The following DPP6 variants were observed in gnomAD, a reference collection of about 807,000 sequenced individuals.
DPP6 encodes dipeptidyl peptidase like 6.
Under a neutral mutation model 122.6 loss-of-function variants are expected in DPP6, and 69 were observed. The ratio of observed to expected loss-of-function variants is 0.56; its 90% CI spans 0.46 to 0.69. DPP6 has a LOEUF of 0.69. Among genes scored for constraint, DPP6 ranks in the 30% least tolerant of loss-of-function variants. DPP6 has a pLI of 0.00. For missense variants in DPP6, 928 were observed against 1,116.9 expected, an observed-to-expected ratio of 0.83 and a Z score of 2.41; for synonymous variants, 418 against 433.1, an observed-to-expected ratio of 0.97 and a Z score of 0.43.
chr7:154,120,965 A>T lies in DPP6; in HGVS notation c.243+67902A>T, dbSNP rs375626268. On this transcript the variant is annotated intron_variant, in intron 1 of 25. Transcript: ENST00000377770. ...TCAAGGGCGGGACCAGGTGGAGACA[A>T]TTGAATCCTGGGGCTGGTTTCCCCC... 8.2e-4 allele frequency among the ~76,000 whole-genome samples: 125 copies of T among 152,270 alleles called. 3 individuals carry two copies. In the South Asian group the frequency reaches 0.025, roughly 30 times the overall value.
At chr7:154,209,067 A>G (rs769489965) in intron 1 of DPP6, among the ~76,000 whole-genome samples, 9 of 152,202 alleles carry the variant, frequency 5.9e-5, no homozygotes, top group Non-Finnish European at 1.0e-4. Flanking sequence ...TCCAGTGGAA[A>G]CTTAAAGAAA....
intron 1 of DPP6, among the ~76,000 whole-genome samples, chr7:154,323,822 A>G (rs1280563546): frequency 6.6e-6 from 1 of 152,110 alleles, no homozygotes; most frequent in Non-Finnish European, 1.5e-5. Flanking sequence ...TGAGTTTGTA[A>G]TATTTTGATC....
At chr7:154,421,169 G>A (rs997615529) in intron 1 of DPP6, among the ~76,000 whole-genome samples, 11 of 150,032 alleles carry the variant, frequency 7.3e-5, no homozygotes, top group African/African-American at 2.7e-4. Flanking sequence ...CTAATTTTCA[G>A]CATCATTACA....
intron 1 of DPP6, among the ~76,000 whole-genome samples, chr7:153,984,662 G>A (rs893317488): frequency 6.6e-6 from 1 of 152,116 alleles, no homozygotes; most frequent in Non-Finnish European, 1.5e-5. Context: ...ACAGTACAGT[G>A]TACTGATACC....
chr7:154,800,284 T>C (rs1798282274), intron 12 of DPP6, among the ~76,000 whole-genome samples: 1 of 152,258 alleles, frequency 6.6e-6, no homozygotes, highest in Non-Finnish European at 1.5e-5. Flanking sequence ...TTTATTTCTC[T>C]GGGCATATCA....
intron 5 of DPP6, chr7:154,587,938 A>G: frequency 1.9e-6 from 3 of 1,612,950 alleles, no homozygotes; most frequent in Non-Finnish European, 2.5e-6. Flanking sequence ...CAATGGCACC[A>G]GGCTTCGCAG....
intron 5 of DPP6, among the ~76,000 whole-genome samples, chr7:154,592,758 G>A (rs1234883425): frequency 2.0e-5 from 3 of 152,174 alleles, no homozygotes; most frequent in African/African-American, 7.2e-5. Context: ...TGTCCAGGAT[G>A]AGCAAACGGA....
intron 1 of DPP6, among the ~76,000 whole-genome samples, chr7:153,918,165 C>T (rs1425383209): frequency 2.0e-5 from 3 of 152,040 alleles, no homozygotes; most frequent in Non-Finnish European, 4.4e-5. Flanking sequence ...TGGAAATAAC[C>T]GAGTCATAAA....
chr7:154,343,811 C>T (rs1810144267), intron 1 of DPP6, among the ~76,000 whole-genome samples: 1 of 151,440 alleles, frequency 6.6e-6, no homozygotes, highest in South Asian at 2.1e-4. Context: ...GAAATCCTGA[C>T]CTCAAGTGAT....
At chr7:154,846,160 ATTTT>A (rs1397976922) in intron 16 of DPP6, among the ~76,000 whole-genome samples, 1 of 151,156 alleles carries the variant, frequency 6.6e-6, no homozygotes, top group African/African-American at 2.4e-5. Context: ...TTTTTAATTT[ATTTT>A]TTATTGAGGT....
intron 1 of DPP6, among the ~76,000 whole-genome samples, chr7:154,250,682 GTGGC>G (rs1413230481): frequency 6.6e-6 from 1 of 152,130 alleles, no homozygotes; most frequent in African/African-American, 2.4e-5. Context: ...TTCTTCCCTG[GTGGC>G]TTATACCTGG....
At chr7:154,042,603 T>C (rs1799820087) in intron 1 of DPP6, among the ~76,000 whole-genome samples, 1 of 152,120 alleles carries the variant, frequency 6.6e-6, no homozygotes, top group African/African-American at 2.4e-5. Flanking sequence ...ATATGACCAA[T>C]ACGATGAAGG....
the DPP6 span, among the ~76,000 whole-genome samples, chr7:153,815,061 G>C: frequency 2.0e-5 from 3 of 152,082 alleles, no homozygotes; most frequent in African/African-American, 7.2e-5. Context: ...GACAGGGATG[G>C]CCTCTCTCAC....
chr7:154,451,987 G>A (rs913322225), intron 2 of DPP6, among the ~76,000 whole-genome samples: 49 of 152,198 alleles, frequency 3.2e-4, no homozygotes, highest in African/African-American at 1.2e-3. Context: ...TTGTGTTTTG[G>A]CATAAAATTC....
chr7:153,943,918 C>T (rs1407126273), intron 1 of DPP6, among the ~76,000 whole-genome samples: 2 of 152,264 alleles, frequency 1.3e-5, no homozygotes, highest in East Asian at 3.9e-4. Context: ...GATCCAGCCC[C>T]GGCCTGAAAC....
At chr7:154,839,927 T>A (rs797001975) in intron 16 of DPP6, among the ~76,000 whole-genome samples, 3 of 152,084 alleles carry the variant, frequency 2.0e-5, no homozygotes, top group African/African-American at 7.2e-5. Context: ...TTGTAAACCC[T>A]CGGGCAGGAG....
intron 1 of DPP6, among the ~76,000 whole-genome samples, chr7:153,900,775 A>T (rs1360759332): frequency 6.6e-6 from 1 of 152,156 alleles, no homozygotes; most frequent in African/African-American, 2.4e-5. Flanking sequence ...CAAAAGCTGA[A>T]AGTGCCATGT....
chr7:154,811,806 G>A (rs1481191989), intron 16 of DPP6, among the ~76,000 whole-genome samples: 2 of 152,166 alleles, frequency 1.3e-5, no homozygotes, highest in African/African-American at 4.8e-5. Flanking sequence ...TATTCTGAGA[G>A]ATTCTTGGAA....
rs902050032 is a variant in DPP6, at chr7:154,241,177, A to G, written c.243+188114A>G. ...ATATTGCTGCACAGTAGGTAATTCA[A>G]TATCAATATGTGTGTGTGTGTGTGT... On this transcript the variant is annotated intron_variant, in intron 1 of 25. Coordinates refer to ENST00000377770, the MANE Select transcript of DPP6 (RefSeq NM_130797.4). The surrounding 1 kb of genome is among the most constrained non-coding windows in gnomAD (Gnocchi z 9.0). Among the ~76,000 whole-genome samples, 6 of 80,666 alleles carry G rather than the reference A, an allele frequency of 7.4e-5. No individual in the cohort carries two copies. The highest frequency in any genetic ancestry group is 1.6e-4 in the African/African-American group (4 of 25,246). The allele number at this position is 80,666 out of a possible 152,430, so 52.9% of individuals were successfully genotyped here.
Sources: gnomAD v4.1 joint callset for allele counts (sites outside exome capture counted in the v4.1 genomes callset) on GRCh38, gnomAD v4.1.1 for gene constraint, Gnocchi (gnomAD v3.1) non-coding constraint, MANE v1.5 for transcripts, NCBI Gene and HGNC (gene_info 2026-07-23, HGNC 2026-07-21) for gene names.